Variants in LMF1 observed in about 807,000 individuals in gnomAD.
The protein encoded by LMF1 is transmembrane protein 112.
LMF1 carries 68 observed loss-of-function variants against 60.6 expected under a neutral mutation model. That is an observed-to-expected ratio of 1.12 (90% CI 0.92 to 1.37). LMF1 has a LOEUF of 1.37. Ranked by LOEUF, LMF1 falls within the 40% of genes most tolerant of loss-of-function variation. The pLI is 0.00. For missense variants in LMF1, 948 were observed against 767.2 expected (o/e 1.24, Z -2.78); for synonymous variants, 418 against 324.7 (o/e 1.29, Z -3.09).
At position 880,541 on chromosome 16, in the gene LMF1, G is replaced by A. The variant is rs562225769; in HGVS notation, c.730-804C>T. 1.9e-3 allele frequency among the ~76,000 whole-genome samples: 291 copies of A among 152,312 alleles called. 1 individual carries two copies. The highest frequency in any genetic ancestry group is 6.5e-3 in the African/African-American group (271 of 41,568). On this transcript the variant is annotated intron_variant, in intron 5 of 10. Transcript: ENST00000262301. Reference sequence around the variant, plus strand: ...AAAAATTAGCTGGGCATGGTGGTGCGTGCCTGTAGCCCCAGCTACCCAGGA... The same window carrying A: ...AAAAATTAGCTGGGCATGGTGGTGCATGCCTGTAGCCCCAGCTACCCAGGA...
At chr16:861,838 C>G (rs1162694368) in intron 10 of LMF1, among the ~76,000 whole-genome samples, 1 of 152,334 alleles carries the variant, frequency 6.6e-6, no homozygotes, top group Non-Finnish European at 1.5e-5. Flanking sequence ...ATGGTTAGAG[C>G]AGACGTCCTT....
At chr16:950,539 T>C (rs369118124) in intron 2 of LMF1, among the ~76,000 whole-genome samples, 13 of 82,380 alleles carry the variant, frequency 1.6e-4, no homozygotes, top group East Asian at 3.6e-4. Context: ...TCAGAGCCAA[T>C]GACAGAGTCA....
At chr16:873,675 G>A (rs2069879403) in intron 6 of LMF1, 1 of 152,296 alleles carries the variant, frequency 6.6e-6, no homozygotes, top group African/African-American at 2.4e-5. Context: ...CCTCTGCTGA[G>A]GAAATGCATT....
intron 4 of LMF1, among the ~76,000 whole-genome samples, chr16:898,303 G>A (rs921969861): frequency 2.0e-5 from 3 of 151,884 alleles, no homozygotes; most frequent in Non-Finnish European, 4.4e-5. Flanking sequence ...TCCTCCCCAA[G>A]CACCTGGAAA....
intron 2 of LMF1, among the ~76,000 whole-genome samples, chr16:950,027 A>C (rs1412144347): frequency 0.049 from 4,131 of 84,320 alleles, 2 homozygotes; most frequent in African/African-American, 0.1. Flanking sequence ...CGACAGAGTC[A>C]GCCAACGACA....
At chr16:882,042 C>A (rs940721553) in intron 5 of LMF1, among the ~76,000 whole-genome samples, 1 of 152,166 alleles carries the variant, frequency 6.6e-6, no homozygotes, top group Non-Finnish European at 1.5e-5. Flanking sequence ...ATGTTTGTGT[C>A]CCGAAGTGGT....
chr16:899,176 C>T (rs2070741679), intron 4 of LMF1: 1 of 152,236 alleles, frequency 6.6e-6, no homozygotes, highest in Admixed American at 6.5e-5. Context: ...GCGAGGAGCA[C>T]CCCGGCTCCT....
chr16:887,158 C>T (rs2070332941), intron 5 of LMF1: 1 of 151,858 alleles, frequency 6.6e-6, no homozygotes, highest in South Asian at 2.1e-4. Context: ...CAGCCCACGG[C>T]TCCTGGTCGC....
intron 4 of LMF1, 61 bp downstream of exon 4, chr16:910,870 C>A (rs1176638681): frequency 1.9e-6 from 3 of 1,596,182 alleles, no homozygotes; most frequent in African/African-American, 1.3e-5. Flanking sequence ...CTCCTAGAAG[C>A]CTCACAGGTT....
At chr16:886,957 A>G (rs1445499738) in intron 5 of LMF1, 2 of 150,678 alleles carry the variant, frequency 1.3e-5, no homozygotes, top group East Asian at 2.0e-4. Flanking sequence ...TCTTACAAAA[A>G]CCAATAAAAC....
intron 4 of LMF1, among the ~76,000 whole-genome samples, chr16:909,329 G>A (rs1302402392): frequency 1.3e-5 from 2 of 152,138 alleles, no homozygotes; most frequent in Admixed American, 1.3e-4. Flanking sequence ...GAAGAGCTAT[G>A]CCCAGACATG....
chr16:960,121 A>G (rs2072793068), intron 1 of LMF1, among the ~76,000 whole-genome samples: 1 of 152,204 alleles, frequency 6.6e-6, no homozygotes, highest in Admixed American at 6.5e-5. Flanking sequence ...ATGCTCCCCT[A>G]AAAAGAACCA....
intron 6 of LMF1, among the ~76,000 whole-genome samples, chr16:876,191 G>GAAAC (rs2069967809): frequency 6.6e-6 from 1 of 152,272 alleles, no homozygotes; most frequent in Admixed American, 6.5e-5. Flanking sequence ...GAACCGAAGA[G>GAAAC]AAACAAGCAG....
At chr16:891,233 C>T (rs959634083) in intron 5 of LMF1, among the ~76,000 whole-genome samples, 2 of 152,202 alleles carry the variant, frequency 1.3e-5, no homozygotes, top group African/African-American at 4.8e-5. Context: ...TGGCATGACC[C>T]GTCCCCCAGA....
rs1292811757 is a variant in LMF1, at chr16:855,418, G to A, written c.1530-712C>T. 3.7e-5 allele frequency: 13 copies of A among 350,772 alleles called. No individual in the cohort carries two copies. The East Asian group carries it at 7.5e-4, about 20-fold the overall frequency. The allele number at this position is 350,772 out of a possible 1,614,324, so 21.7% of individuals were successfully genotyped here. A position where few individuals can be genotyped will look rare whatever the true frequency, so the allele number is the denominator to read the frequency against. On this transcript the variant is annotated intron_variant, in intron 10 of 10. Transcript: ENST00000262301. ...GCCTGACCCCTGGTGACCAGGCCTGGTTTAGGCCATACTGGGTCTTGGTCC... is the reference window on the plus strand; with the variant it reads ...GCCTGACCCCTGGTGACCAGGCCTGATTTAGGCCATACTGGGTCTTGGTCC...
At chr16:949,023 AGTCAATGACAGAGT>A in intron 2 of LMF1, among the ~76,000 whole-genome samples, 1 of 101,284 alleles carries the variant, frequency 9.9e-6, no homozygotes, top group Non-Finnish European at 2.1e-5. Context: ...CGACAGAGTC[AGTCAATGACAGAGT>A]CAGCCAACGA....
chr16:921,336 G>T (rs943936043), intron 3 of LMF1, among the ~76,000 whole-genome samples: 4 of 152,228 alleles, frequency 2.6e-5, no homozygotes, highest in Non-Finnish European at 5.9e-5. Context: ...AGCCCTTCTT[G>T]AGGGGCTGCT....
intron 2 of LMF1, among the ~76,000 whole-genome samples, chr16:944,817 A>C (rs924757416): frequency 2.0e-4 from 31 of 151,900 alleles, no homozygotes; most frequent in Non-Finnish European, 3.4e-4. Context: ...TGCCCTAAAC[A>C]CCCCATCTCG....
At chr16:979,069 A>G (rs1040065840) in intron 1 of LMF1, 4 of 453,780 alleles carry the variant, frequency 8.8e-6, no homozygotes, top group African/African-American at 6.0e-5. Flanking sequence ...GCAGGGCAGG[A>G]GCTGTGAGGG....
Sources: gnomAD v4.1 joint callset for allele counts (sites outside exome capture counted in the v4.1 genomes callset) on GRCh38, gnomAD v4.1.1 for gene constraint, MANE v1.5 for transcripts, NCBI Gene and HGNC (gene_info 2026-07-23, HGNC 2026-07-21) for gene names.